Variants in MIPEP observed in about 807,000 individuals in gnomAD.
MIPEP encodes the protein mitochondrial intermediate peptidase.
In MIPEP, 79 loss-of-function variants were observed where a neutral mutation model predicts 90.3. The ratio of observed to expected loss-of-function variants is 0.87; its 90% CI spans 0.73 to 1.05. The LOEUF (loss-of-function observed/expected upper bound fraction) is 1.05. Ranked by LOEUF, MIPEP falls within the 50% of genes least tolerant of loss-of-function variation. The probability of loss-of-function intolerance (pLI) is 0.00; values close to 1 mark genes in which losing one functional copy is unlikely to be tolerated. For synonymous variants in MIPEP, 334 were observed against 315.8 expected (o/e 1.06, Z -0.61); for missense variants, 940 against 905.6 (o/e 1.04, Z -0.49).
At chr13:23,874,776 T>G (rs1486018530) in intron 5 of MIPEP, 70 bp downstream of exon 5, 14 of 1,295,900 alleles carry the variant, frequency 1.1e-5, no homozygotes, top group Non-Finnish European at 1.4e-5. Context: ...ATACAAGGAC[T>G]GTAGCAATAA....
intron 18 of MIPEP, among the ~76,000 whole-genome samples, chr13:23,752,819 T>C (rs988972238): frequency 6.6e-6 from 1 of 152,092 alleles, no homozygotes; most frequent in East Asian, 1.9e-4. Context: ...ATGTAAGCTA[T>C]GAATGTGTTT....
rs924105359 is a variant in MIPEP at position 23,763,306 on chromosome 13, C to T, written c.1849-3089G>A. Among the ~76,000 whole-genome samples the T allele has an allele frequency of 5.9e-5, 9 of 152,302 alleles. 1 individual carries two copies. The East Asian group carries it at 1.7e-3, about 29-fold the overall frequency. ...ATCTTCTGTAATGGAATACAGCCTG[C>T]TGTTTTAATCTGATACTCCAACAAG... On this transcript the variant is annotated intron_variant, in intron 16 of 18. Coordinates refer to ENST00000382172, the MANE Select transcript of MIPEP (RefSeq NM_005932.4).
rs538994991 is a variant in MIPEP at position 23,750,966 on chromosome 13, G to A, written c.2044+5579C>T. Among the ~76,000 whole-genome samples, 3 of 152,276 alleles carry A rather than the reference G, an allele frequency of 2.0e-5. No homozygotes were observed. In the South Asian group the frequency reaches 6.2e-4, roughly 32 times the overall value. The stretch of plus-strand genomic sequence containing the variant: ...ACTTCCTTCCTTTCTGGCACTATAA[G>A]ATGCTTCATGCTCATCTTCTGTCTT... On this transcript the variant is annotated intron_variant, in intron 18 of 18. Transcript: ENST00000382172.
At chr13:23,864,517 C>T (rs1870443912) in intron 7 of MIPEP, among the ~76,000 whole-genome samples, 1 of 151,984 alleles carries the variant, frequency 6.6e-6, no homozygotes, top group Non-Finnish European at 1.5e-5. Context: ...GGGTGGATCA[C>T]CTGAGGTCAG....
intron 3 of MIPEP, among the ~76,000 whole-genome samples, chr13:23,880,277 G>A (rs1166844493): frequency 6.6e-6 from 1 of 152,194 alleles, no homozygotes; most frequent in Admixed American, 6.5e-5. Context: ...AGAAGGGCCA[G>A]ACTCCCACAC....
chr13:23,885,642 T>C (rs953990912), intron 2 of MIPEP, among the ~76,000 whole-genome samples: 2 of 151,540 alleles, frequency 1.3e-5, no homozygotes, highest in African/African-American at 4.8e-5. Flanking sequence ...TCCTAGTTGC[T>C]GAAGAGATCT....
intron 14 of MIPEP, among the ~76,000 whole-genome samples, chr13:23,832,560 C>T (rs1022343085): frequency 1.8e-4 from 27 of 151,994 alleles, no homozygotes; most frequent in African/African-American, 6.3e-4. Flanking sequence ...GAGAATGAGG[C>T]CACCTATATA....
chr13:23,786,816 A>C (rs1483760852), intron 16 of MIPEP, among the ~76,000 whole-genome samples: 3 of 152,206 alleles, frequency 2.0e-5, no homozygotes, highest in Non-Finnish European at 2.9e-5. Context: ...GGGAACATCA[A>C]CTTTGCTTAC....
intron 16 of MIPEP, among the ~76,000 whole-genome samples, chr13:23,762,712 G>A (rs565496976): frequency 1.4e-4 from 21 of 152,330 alleles, no homozygotes; most frequent in South Asian, 6.2e-4. Flanking sequence ...GTGCTGGGCA[G>A]GGGCACTTGC....
At chr13:23,822,591 A>C (rs1953319450) in intron 14 of MIPEP, among the ~76,000 whole-genome samples, 1 of 152,242 alleles carries the variant, frequency 6.6e-6, no homozygotes, top group Admixed American at 6.5e-5. Flanking sequence ...AGGTCCCCTT[A>C]AAGGACACTA....
At chr13:23,851,956 T>A (rs961809291) in intron 10 of MIPEP, among the ~76,000 whole-genome samples, 1 of 152,210 alleles carries the variant, frequency 6.6e-6, no homozygotes, top group African/African-American at 2.4e-5. Context: ...AGTTATTATA[T>A]GTAACATCCA....
intron 2 of MIPEP, among the ~76,000 whole-genome samples, chr13:23,883,590 A>G (rs1353462430): frequency 6.6e-6 from 1 of 152,222 alleles, no homozygotes; most frequent in African/African-American, 2.4e-5. Flanking sequence ...AATGTAAACA[A>G]TATGTAAATA....
In MIPEP at chr13:23,873,416, T is replaced by G. The variant is rs533228919; in HGVS notation, c.603+1430A>C. On this transcript the variant is annotated intron_variant, in intron 5 of 18. Coordinates refer to ENST00000382172, the MANE Select transcript of MIPEP (RefSeq NM_005932.4). ...ACTGACCAGCAGGATGGTGACATGC[T>G]GGCCATGGAGGCTCTGGAGTCTGTC... is the stretch of plus-strand genomic sequence containing the variant. 8.7e-4 allele frequency among the ~76,000 whole-genome samples: 133 copies of G among 152,314 alleles called. 1 individual carries two copies. Among genetic ancestry groups the G allele is most frequent in the African/African-American group, 3.1e-3 (128 of 41,584 alleles).
intron 10 of MIPEP, among the ~76,000 whole-genome samples, chr13:23,854,185 C>T (rs982624843): frequency 4.5e-4 from 43 of 95,116 alleles, no homozygotes; most frequent in African/African-American, 1.4e-3. Flanking sequence ...ATTAGCCAGG[C>T]TAATTTTTTT....
At chr13:23,776,819 TAAAA>T (rs34142881) in intron 16 of MIPEP, among the ~76,000 whole-genome samples, 1 of 147,366 alleles carries the variant, frequency 6.8e-6, no homozygotes, top group African/African-American at 2.5e-5. Context: ...TGACCTGCAT[TAAAA>T]AAAAAAAAGA....
chr13:23,847,712 T>G (rs183581230), intron 10 of MIPEP, among the ~76,000 whole-genome samples: 140 of 152,000 alleles, frequency 9.2e-4, no homozygotes, highest in Middle Eastern at 3.4e-3. Context: ...CACAGAAGGG[T>G]AATTATTTGT....
chr13:23,818,173 T>C (rs1246132040), intron 14 of MIPEP, among the ~76,000 whole-genome samples: 2 of 152,018 alleles, frequency 1.3e-5, no homozygotes, highest in African/African-American at 4.8e-5. Context: ...TCCCAGCACT[T>C]TGGAAGGCTG....
intron 5 of MIPEP, among the ~76,000 whole-genome samples, chr13:23,872,134 A>C (rs1292471922): frequency 6.6e-6 from 1 of 152,228 alleles, no homozygotes; most frequent in Non-Finnish European, 1.5e-5. Flanking sequence ...CATTTCTATT[A>C]CATTTAAACT....
intron 16 of MIPEP, among the ~76,000 whole-genome samples, chr13:23,792,709 C>T (rs1405445833): frequency 6.6e-6 from 1 of 152,202 alleles, no homozygotes; most frequent in Non-Finnish European, 1.5e-5. Context: ...AGATCAAAAC[C>T]CTTGCAGTAA....
Sources: gnomAD v4.1 joint callset for allele counts (sites outside exome capture counted in the v4.1 genomes callset) on GRCh38, gnomAD v4.1.1 for gene constraint, MANE v1.5 for transcripts, NCBI Gene and HGNC (gene_info 2026-07-23, HGNC 2026-07-21) for gene names.